The following CLMN variants were observed in gnomAD, a reference collection of about 807,000 sequenced individuals.
CLMN encodes the protein calmin (calponin-like, transmembrane).
Under a neutral mutation model 92.7 loss-of-function variants are expected in CLMN, and 57 were observed. The observed-to-expected ratio is 0.61, with a 90% CI of 0.50 to 0.77. CLMN has a LOEUF of 0.77. Among genes scored for constraint, CLMN ranks in the 30% least tolerant of loss-of-function variants. The probability of loss-of-function intolerance (pLI) is 0.00; values close to 1 mark genes in which losing one functional copy is unlikely to be tolerated. For synonymous variants in CLMN, 466 were observed against 470.6 expected (o/e 0.99, Z 0.13); for missense variants, 1,158 against 1,237.5 (o/e 0.94, Z 0.96).
chr14:95,216,479 C>T (rs1243381432), intron 4 of CLMN, among the ~76,000 whole-genome samples: 1 of 152,182 alleles, frequency 6.6e-6, no homozygotes, highest in African/African-American at 2.4e-5. Context: ...GCTGGTAAGG[C>T]TTCAGTCATT....
intron 9 of CLMN, among the ~76,000 whole-genome samples, chr14:95,201,556 CTTTT>C (rs963071522): frequency 6.8e-6 from 1 of 145,998 alleles, no homozygotes; most frequent in Non-Finnish European, 1.5e-5. Context: ...CCTTTATTGG[CTTTT>C]TTTTCCTTTT....
chr14:95,227,812 T>A (rs1897760480), intron 2 of CLMN, among the ~76,000 whole-genome samples: 1 of 152,346 alleles, frequency 6.6e-6, no homozygotes, highest in South Asian at 2.1e-4. Context: ...AAGGAATTTT[T>A]CCAGAAGCCA....
chr14:95,191,762 T>TCCTTGTCACCCCTTGTAGGA lies in CLMN; in HGVS notation c.2841-31_2841-30insTCCTACAAGGGGTGACAAGG. On this transcript the variant is annotated intron_variant, in intron 12 of 12. Coordinates refer to ENST00000298912, the MANE Select transcript of CLMN (RefSeq NM_024734.4). The surrounding 1 kb of genome is among the most constrained non-coding windows in gnomAD (Gnocchi z 5.3). ...AGAAGAAACACAGAGGAAACGCAGT[T>TCCTTGTCACCCCTTGTAGGA]ACCAAGCAGGTTCCCAGGAAAGTGG... is the stretch of plus-strand genomic sequence containing the variant. 1 of 1,576,748 alleles carries TCCTTGTCACCCCTTGTAGGA rather than the reference T, an allele frequency of 6.3e-7. No homozygotes were observed. The highest frequency in any genetic ancestry group is 8.6e-7 in the Non-Finnish European group (1 of 1,165,272).
intron 1 of CLMN, among the ~76,000 whole-genome samples, chr14:95,313,330 A>G (rs1165096950): frequency 6.6e-6 from 1 of 152,264 alleles, no homozygotes; most frequent in African/African-American, 2.4e-5. Context: ...TGGATGATAC[A>G]TATTTTTGGT....
intron 9 of CLMN, among the ~76,000 whole-genome samples, chr14:95,202,312 C>T (rs1040519865): frequency 2.0e-5 from 3 of 152,180 alleles, no homozygotes; most frequent in African/African-American, 7.2e-5. Flanking sequence ...TTTTGATTTG[C>T]ATTTCTCTAA....
chr14:95,265,032 A>C (rs1312239337), intron 1 of CLMN, among the ~76,000 whole-genome samples: 1 of 151,774 alleles, frequency 6.6e-6, no homozygotes, highest in Non-Finnish European at 1.5e-5. Flanking sequence ...GGACTGTTTG[A>C]GCCCATGAGT....
chr14:95,310,536 T>G (rs1901491020), intron 1 of CLMN, among the ~76,000 whole-genome samples: 1 of 152,244 alleles, frequency 6.6e-6, no homozygotes. Context: ...TTTGGGGGAT[T>G]AGGATGTGGA....
At chr14:95,225,676 G>C (rs949417961) in intron 2 of CLMN, among the ~76,000 whole-genome samples, 3 of 152,210 alleles carry the variant, frequency 2.0e-5, no homozygotes, top group African/African-American at 7.2e-5. Flanking sequence ...CTCACTTTCT[G>C]GGTTCCCTGG....
intron 1 of CLMN, among the ~76,000 whole-genome samples, chr14:95,291,475 T>A (rs1273062877): frequency 6.6e-6 from 1 of 152,152 alleles, no homozygotes; most frequent in Admixed American, 6.5e-5. Flanking sequence ...CTGTTTCTCA[T>A]CCCCAGAGCT....
intron 1 of CLMN, among the ~76,000 whole-genome samples, chr14:95,290,622 G>A (rs1434473851): frequency 6.6e-6 from 1 of 152,224 alleles, no homozygotes; most frequent in Non-Finnish European, 1.5e-5. Flanking sequence ...GGGGCCTTCA[G>A]AAGGAACGCA....
chr14:95,255,094 G>A (rs1898941951), intron 1 of CLMN, among the ~76,000 whole-genome samples: 1 of 152,174 alleles, frequency 6.6e-6, no homozygotes, highest in Non-Finnish European at 1.5e-5. Flanking sequence ...AAACACCAGG[G>A]GTGCATGCAC....
chr14:95,269,621 T>C (rs976577404), intron 1 of CLMN, among the ~76,000 whole-genome samples: 6 of 152,210 alleles, frequency 3.9e-5, no homozygotes, highest in Non-Finnish European at 8.8e-5. Flanking sequence ...TTGCGGCCCA[T>C]AGGCTCTGCC....
At chr14:95,198,666 A>G (rs970855783) in intron 9 of CLMN, among the ~76,000 whole-genome samples, 10 of 152,134 alleles carry the variant, frequency 6.6e-5, no homozygotes, top group Non-Finnish European at 1.2e-4. Flanking sequence ...ACCAAGAGTG[A>G]GATCCATGTA....
intron 1 of CLMN, among the ~76,000 whole-genome samples, chr14:95,314,139 T>A (rs1901660270): frequency 6.6e-6 from 1 of 152,126 alleles, no homozygotes; most frequent in Non-Finnish European, 1.5e-5. Flanking sequence ...CCCTGAACAC[T>A]CTCGTTCCTT....
intron 1 of CLMN, among the ~76,000 whole-genome samples, chr14:95,242,404 A>C (rs1217145471): frequency 6.7e-6 from 1 of 148,990 alleles, no homozygotes; most frequent in Non-Finnish European, 1.5e-5. Context: ...GATTACAGGC[A>C]TGCACCGCCA....
At chr14:95,207,864 GC>G (rs1278392971) in intron 8 of CLMN, among the ~76,000 whole-genome samples, 1 of 152,178 alleles carries the variant, frequency 6.6e-6, no homozygotes, top group African/African-American at 2.4e-5. Flanking sequence ...ACAAAACAGA[GC>G]CCCAGTTTCA....
At chr14:95,258,531 C>T (rs557259770) in intron 1 of CLMN, among the ~76,000 whole-genome samples, 149 of 115,748 alleles carry the variant, frequency 1.3e-3, no homozygotes, top group African/African-American at 4.6e-3. Context: ...GTGATGTGTG[C>T]GGAGGATGTG....
intron 1 of CLMN, among the ~76,000 whole-genome samples, chr14:95,242,189 G>T (rs1462656864): frequency 6.7e-6 from 1 of 150,092 alleles, no homozygotes; most frequent in Non-Finnish European, 1.5e-5. Context: ...TCCCATTCTA[G>T]ACTAAGTGAA....
In CLMN at chr14:95,203,160, G is replaced by C; in HGVS notation, c.2189C>G (p.Pro730Arg). The change falls in exon 9 of 13, where the codon CCA becomes CGA. Residue 730 changes from proline (P) to arginine (R), a missense_variant. By Grantham distance (103) the Pro-to-Arg change is moderately radical (BLOSUM62 -2). Coordinates refer to ENST00000298912, the MANE Select transcript of CLMN (RefSeq NM_024734.4). ...TGCAGCCAGGGGAACCTCATAGTGT[G>C]GGAAATAGAAGAGGTCGTGGGGAAT... ...SVIPHDLFYFPHYEVPLAAVL... is the reference protein window; with the variant it reads ...SVIPHDLFYFRHYEVPLAAVL... 1 of 1,612,722 alleles carries C rather than the reference G, an allele frequency of 6.2e-7. No homozygotes were observed. Among genetic ancestry groups the C allele is most frequent in the African/African-American group, 1.3e-5 (1 of 75,046 alleles).
Sources: allele counts gnomAD v4.1 joint callset (sites outside exome capture counted in the v4.1 genomes callset), GRCh38; gene constraint gnomAD v4.1.1; non-coding constraint Gnocchi (gnomAD v3.1); transcripts MANE v1.5; gene names NCBI Gene and HGNC (gene_info 2026-07-23, HGNC 2026-07-21).